Variants in MRPS15 observed in about 807,000 individuals in gnomAD.
MRPS15 encodes small ribosomal subunit protein uS15m.
A neutral mutation model predicts 30.7 loss-of-function variants in MRPS15; 25 were observed. The ratio of observed to expected loss-of-function variants is 0.81; its 90% CI spans 0.59 to 1.14. MRPS15 has a LOEUF of 1.14. MRPS15 is among the 50% of genes most tolerant of loss of function. The pLI is 0.00. For synonymous variants in MRPS15, 124 were observed against 120.1 expected, an observed-to-expected ratio of 1.03 and a Z score of -0.21; for missense variants, 313 against 321.7, an observed-to-expected ratio of 0.97 and a Z score of 0.21.
At chr1:36,459,456 A>ACCACCTTG (rs1302083573) in intron 5 of MRPS15, 1 of 152,042 alleles carries the variant, frequency 6.6e-6, no homozygotes, top group East Asian at 1.9e-4. Context: ...GACCCCAGTA[A>ACCACCTTG]CCACCTTGCC....
Position 36,464,232 on chromosome 1 carries a change from C to T in MRPS15, c.44G>A (p.Arg15Gln), listed in dbSNP as rs773697567. The stretch of plus-strand genomic sequence containing the variant: ...GGGTACTAGGACCTGGGTAACTGCC[C>T]GGGTCCGAATCAAACTCAGCGTCCT... Reference protein sequence around the residue: ...AWRTLSLIRTRAVTQVLVPGL... With the variant: ...AWRTLSLIRTQAVTQVLVPGL... The change falls in exon 1 of 8, where the codon CGG becomes CAG. Residue 15 changes from arginine (R) to glutamine (Q), a missense_variant. Coordinates refer to ENST00000373116, the MANE Select transcript of MRPS15 (RefSeq NM_031280.4). 1.2e-6 allele frequency: 2 copies of T among 1,614,030 alleles called. No individual in the cohort carries two copies. The highest frequency in any genetic ancestry group is 1.7e-6 in the Non-Finnish European group (2 of 1,179,974).
In MRPS15 at chr1:36,464,276, G is replaced by C; in HGVS notation, c.-1C>G. On this transcript the variant is annotated 5_prime_UTR_variant, in exon 1 of 8. Transcript: ENST00000373116. The stretch of plus-strand genomic sequence containing the variant: ...GCGTCCTCCACGCGACCCTCAGCAT[G>C]GTGACCTCTAACCCCCGCGGGGCCC... The C allele has an allele frequency of 1.2e-6, 2 of 1,613,254 alleles. No homozygotes were observed. The highest frequency in any genetic ancestry group is 1.7e-6 in the Non-Finnish European group (2 of 1,179,606).
chr1:36,463,784 G>C (rs200646778), intron 2 of MRPS15, 22 bp downstream of exon 2: 1 of 1,608,030 alleles, frequency 6.2e-7, no homozygotes, highest in Non-Finnish European at 8.5e-7. Flanking sequence ...TCCGCCCCAA[G>C]TCCCACCTTA....
chr1:36,462,052 C>T (rs1024452146), intron 3 of MRPS15, 36 bp downstream of exon 3: 3 of 1,560,436 alleles, frequency 1.9e-6, no homozygotes, highest in South Asian at 1.1e-5. Context: ...CCTCCCAGGG[C>T]CCCCTGCCTC....
chr1:36,464,329 C>A lies in MRPS15; in HGVS notation c.-54G>T. 1 of 1,586,622 alleles carries A rather than the reference C, an allele frequency of 6.3e-7. No individual in the cohort carries two copies. The highest frequency in any genetic ancestry group is 1.1e-5 in the South Asian group (1 of 88,222). ...GCCGCGGCCGCCGTTCGCTTTGCGG[C>A]ACGGACCGGGTTACATGGGCGCCGC... On this transcript the variant is annotated 5_prime_UTR_variant, in exon 1 of 8. Transcript: ENST00000373116.
Position 36,455,722 on chromosome 1 carries a change from G to A in MRPS15, c.*66C>T. 1 of 1,573,662 alleles carries A rather than the reference G, an allele frequency of 6.4e-7. No homozygotes were observed. Among genetic ancestry groups the A allele is most frequent in the South Asian group, 1.2e-5 (1 of 85,938 alleles). On this transcript the variant is annotated 3_prime_UTR_variant, in exon 8 of 8. Coordinates refer to ENST00000373116, the MANE Select transcript of MRPS15 (RefSeq NM_031280.4). ...AAGAATAAATTCCTTCTCCTCTTCA[G>A]GCCAAAAAGAGCCCCATCATCTCTC...
At position 36,457,840 on chromosome 1, in the gene MRPS15, T is replaced by C. The variant is rs1011509912; in HGVS notation, c.444+83A>G. The C allele has an allele frequency of 3.6e-6, 5 of 1,371,750 alleles. No individual in the cohort carries two copies. In the African/African-American group the frequency reaches 7.1e-5, roughly 20 times the overall value. 85.0% of individuals were successfully genotyped at this position (1,371,750 alleles called of 1,614,324 possible). A position where few individuals can be genotyped will look rare whatever the true frequency, so the allele number is the denominator to read the frequency against. On this transcript the variant is annotated intron_variant, in intron 6 of 7. Transcript: ENST00000373116. ...ATTTTCAGTGGCTTCTAAGCCTCCT[T>C]CTCTGGACCCAGAGCCCTTCCCCTC... is the stretch of plus-strand genomic sequence containing the variant.
In MRPS15 at chr1:36,458,255, G is replaced by A. The variant is rs753550681; in HGVS notation, c.386-274C>T. On this transcript the variant is annotated intron_variant, in intron 5 of 7. Transcript: ENST00000373116. The surrounding 1 kb of genome is among the most constrained non-coding windows in gnomAD (Gnocchi z 4.5). ...ATAGCATTCTTTTTTTTGAGACGGA[G>A]TCTCGCTCTGTTGCCCAGGCTGGAG... is the stretch of plus-strand genomic sequence containing the variant. The A allele has an allele frequency of 4.6e-5, 16 of 349,102 alleles. No individual in the cohort carries two copies. Among genetic ancestry groups the A allele is most frequent in the Non-Finnish European group, 6.9e-5 (13 of 188,368 alleles). 21.6% of individuals were successfully genotyped at this position (349,102 alleles called of 1,614,324 possible). A position where few individuals can be genotyped will look rare whatever the true frequency, so the allele number is the denominator to read the frequency against.
chr1:36,461,097 C>T (rs1650089745), intron 4 of MRPS15, among the ~76,000 whole-genome samples, 167 bp downstream of exon 4: 1 of 152,178 alleles, frequency 6.6e-6, no homozygotes, highest in South Asian at 2.1e-4. Context: ...CAAAAGTGTC[C>T]CTGCCCTGAA....
chr1:36,456,838 T>C (rs766589554), intron 6 of MRPS15, among the ~76,000 whole-genome samples: 1 of 152,234 alleles, frequency 6.6e-6, no homozygotes, highest in Non-Finnish European at 1.5e-5. Flanking sequence ...CTGTGATCTT[T>C]AAGAAGCAGG....
chr1:36,459,257 G>A (rs536934587), intron 5 of MRPS15: 1 of 152,144 alleles, frequency 6.6e-6, no homozygotes, highest in Non-Finnish European at 1.5e-5. Context: ...AGCTTGACAT[G>A]GTTGTGCATG....
Position 36,460,792 on chromosome 1 carries a change from A to G in MRPS15, c.301-16T>C. On this transcript the variant is annotated splice_polypyrimidine_tract_variant and intron_variant, in intron 4 of 7. Coordinates refer to ENST00000373116, the MANE Select transcript of MRPS15 (RefSeq NM_031280.4). ...GCATCTCCTTCTGTTGAAGACAGAG[A>G]CAGAGAAAATCTGTGGAGTCTGCCA... The G allele has an allele frequency of 6.2e-7, 1 of 1,608,864 alleles. No homozygotes were observed. The highest frequency in any genetic ancestry group is 8.5e-7 in the Non-Finnish European group (1 of 1,175,308).
At chr1:36,460,378 C>G (rs1650072010) in intron 5 of MRPS15, among the ~76,000 whole-genome samples, 1 of 152,188 alleles carries the variant, frequency 6.6e-6, no homozygotes, top group Non-Finnish European at 1.5e-5. Flanking sequence ...AGCTGCCTCT[C>G]ACAATGCTGC....
At chr1:36,457,791 G>C in intron 6 of MRPS15, 132 bp downstream of exon 6, 1 of 800,238 alleles carries the variant, frequency 1.2e-6, no homozygotes, top group Non-Finnish European at 2.1e-6. Context: ...AAGGCTCCAA[G>C]TCCTCTGGAG....
At position 36,462,171 on chromosome 1, in the gene MRPS15, G is replaced by C; in HGVS notation, c.176-8C>G. 1.9e-6 allele frequency: 3 copies of C among 1,606,336 alleles called. No homozygotes were observed. Among genetic ancestry groups the C allele is most frequent in the Non-Finnish European group, 2.6e-6 (3 of 1,174,332 alleles). On this transcript the variant is annotated splice_polypyrimidine_tract_variant and splice_region_variant and intron_variant, in intron 2 of 7. Transcript: ENST00000373116. ...CATCCAGCCTAGACTGGGCTGTCAA[G>C]TAAATATGGGGATAGAAAACACCCA...
At chr1:36,462,244 A>G (rs1420065651) in intron 2 of MRPS15, 81 bp from the exon 3 acceptor site, 5 of 992,028 alleles carry the variant, frequency 5.0e-6, no homozygotes, top group Non-Finnish European at 7.8e-6. Context: ...CTTTTCACCC[A>G]CTCTCCAACT....
chr1:36,464,126 C>T lies in MRPS15; in HGVS notation c.130+20G>A. ...AACCCTGTTTCCCTACGCCCGCCGT[C>T]CCATTTCTCAGCTCCTCACTTCGAG... On this transcript the variant is annotated intron_variant, in intron 1 of 7. Coordinates refer to ENST00000373116, the MANE Select transcript of MRPS15 (RefSeq NM_031280.4). 2 of 1,609,912 alleles carry T rather than the reference C, an allele frequency of 1.2e-6. No individual in the cohort carries two copies. Among genetic ancestry groups the T allele is most frequent in the Non-Finnish European group, 1.7e-6 (2 of 1,178,038 alleles).
intron 7 of MRPS15, 35 bp downstream of exon 7, chr1:36,456,152 G>A (rs1437726231): frequency 1.9e-6 from 3 of 1,576,894 alleles, no homozygotes; most frequent in South Asian, 1.2e-5. Context: ...CAGTCCCTGA[G>A]TGGGGCCAAG....
intron 1 of MRPS15, 114 bp downstream of exon 1, chr1:36,464,032 C>T: frequency 7.5e-7 from 1 of 1,327,482 alleles, no homozygotes; most frequent in Non-Finnish European, 1.0e-6. Flanking sequence ...AACCACCGCC[C>T]TTTCCCCCTT....
Sources: allele counts gnomAD v4.1 joint callset (sites outside exome capture counted in the v4.1 genomes callset), GRCh38; gene constraint gnomAD v4.1.1; non-coding constraint Gnocchi (gnomAD v3.1); transcripts MANE v1.5; gene names NCBI Gene and HGNC (gene_info 2026-07-23, HGNC 2026-07-21).